TET3: variants seen among roughly 807,000 people sequenced by gnomAD.
TET3 encodes methylcytosine dioxygenase TET3.
In TET3, 19 loss-of-function variants were observed where a neutral mutation model predicts 141.4. That is an observed-to-expected ratio of 0.13 (90% CI 0.09 to 0.20). The LOEUF is 0.20. TET3 is among the 10% of genes least tolerant of loss of function. The pLI, the probability that TET3 is intolerant of heterozygous loss-of-function variation, is 1.00. For missense variants in TET3, 1,874 were observed against 2,356.9 expected (o/e 0.80, Z 4.24); for synonymous variants, 1,043 against 980.9 (o/e 1.06, Z -1.18).
chr2:74,110,012 A>AAGAT (rs1691665054), downstream of TET3, among the ~76,000 whole-genome samples: 1 of 152,336 alleles, frequency 6.6e-6, no homozygotes, highest in South Asian at 2.1e-4. Flanking sequence ...GATACCACAT[A>AAGAT]AGATATAAGG....
chr2:74,018,604 ATT>A (rs1259340134), intron 3 of TET3, among the ~76,000 whole-genome samples: 4 of 152,128 alleles, frequency 2.6e-5, no homozygotes, highest in Non-Finnish European at 5.9e-5. Context: ...TACCTTAAGC[ATT>A]TCATAAGTAC....
At chr2:74,133,892 G>A in the TET3 span, among the ~76,000 whole-genome samples, 1 of 152,002 alleles carries the variant, frequency 6.6e-6, no homozygotes, top group South Asian at 2.1e-4. Context: ...TTACAGGCGC[G>A]TGCCATCATG....
the TET3 span, among the ~76,000 whole-genome samples, chr2:74,128,802 T>C: frequency 6.6e-6 from 1 of 150,554 alleles, no homozygotes; most frequent in African/African-American, 2.5e-5. Context: ...GGCAACATAG[T>C]AAGACCTCAA....
chr2:74,003,309 C>G, intron 3 of TET3, 143 bp downstream of exon 3: 2 of 945,470 alleles, frequency 2.1e-6, no homozygotes, highest in Non-Finnish European at 1.5e-6. Context: ...GGGGGAGGGG[C>G]GGCGGGGGTG....
chr2:74,022,837 C>T (rs1364728638), intron 3 of TET3, among the ~76,000 whole-genome samples: 4 of 151,868 alleles, frequency 2.6e-5, no homozygotes, highest in Non-Finnish European at 4.4e-5. Context: ...AGTGCAGTGG[C>T]ATGATCTTGG....
intron 3 of TET3, among the ~76,000 whole-genome samples, chr2:74,015,400 A>G (rs1685676348): frequency 6.6e-6 from 1 of 152,222 alleles, no homozygotes; most frequent in East Asian, 1.9e-4. Flanking sequence ...TCTCCATCCC[A>G]GTATAATCAC....
intron 10 of TET3, among the ~76,000 whole-genome samples, chr2:74,095,652 C>T (rs1690779254): frequency 6.6e-6 from 1 of 152,234 alleles, no homozygotes; most frequent in African/African-American, 2.4e-5. Flanking sequence ...ACATGCTGTT[C>T]TATGACCTGC....
chr2:74,090,700 G>GCCCTCA (rs1690440202), intron 8 of TET3, among the ~76,000 whole-genome samples: 5 of 152,182 alleles, frequency 3.3e-5, no homozygotes, highest in Admixed American at 3.3e-4. Context: ...CAGGCTGTGG[G>GCCCTCA]GGCCGGAGCA....
chr2:74,021,377 T>C lies in TET3; in HGVS notation c.360+18211T>C, dbSNP rs77917960. Among the ~76,000 whole-genome samples, 924 of 152,376 alleles carry C rather than the reference T, an allele frequency of 6.1e-3. 4 individuals are homozygous for C. The highest frequency in any genetic ancestry group is 1.0e-2 in the Non-Finnish European group (677 of 68,030). The stretch of plus-strand genomic sequence containing the variant: ...GCCACGATGCAGGGCTGCCTAGGGC[T>C]TTAGCCCACCCGTTGGACAAAGTCT... On this transcript the variant is annotated intron_variant, in intron 3 of 11. Coordinates refer to ENST00000409262, the MANE Select transcript of TET3 (RefSeq NM_001287491.2).
rs1289647142 is a variant in TET3 at position 74,073,786 on chromosome 2, G to A, written c.2585+147G>A. Reference sequence around the variant, plus strand: ...CGGGCTTAGGGAAGGTTTACTGTGGGATCCTCACTTCCATTGTTTCTGGGT... The same window carrying A: ...CGGGCTTAGGGAAGGTTTACTGTGGAATCCTCACTTCCATTGTTTCTGGGT... On this transcript the variant is annotated intron_variant, in intron 5 of 11. Transcript: ENST00000409262. 4 of 578,938 alleles carry A rather than the reference G, an allele frequency of 6.9e-6. No individual in the cohort carries two copies. In the Admixed American group the frequency reaches 1.1e-4, roughly 16 times the overall value. The allele number at this position is 578,938 out of a possible 1,614,324, so 35.9% of individuals were successfully genotyped here. A position where few individuals can be genotyped will look rare whatever the true frequency, so the allele number is the denominator to read the frequency against.
intron 6 of TET3, among the ~76,000 whole-genome samples, chr2:74,086,035 G>A (rs1360355510): frequency 3.3e-5 from 5 of 152,090 alleles, no homozygotes; most frequent in Non-Finnish European, 7.4e-5. Flanking sequence ...CCCTTCTCCC[G>A]ATTTTCTGCC....
intron 3 of TET3, among the ~76,000 whole-genome samples, chr2:74,017,324 C>T (rs1181881636): frequency 6.6e-6 from 1 of 152,172 alleles, no homozygotes; most frequent in Non-Finnish European, 1.5e-5. Flanking sequence ...CTATAGAACA[C>T]CGCAACTTAG....
chr2:74,054,329 G>T (rs1040761166), intron 4 of TET3, among the ~76,000 whole-genome samples: 6 of 152,172 alleles, frequency 3.9e-5, no homozygotes, highest in Non-Finnish European at 7.3e-5. Flanking sequence ...AATAAGAAAA[G>T]AATTAACTGC....
intron 7 of TET3, among the ~76,000 whole-genome samples, chr2:74,088,372 G>A (rs747323815): frequency 1.2e-4 from 18 of 152,276 alleles, no homozygotes; most frequent in Admixed American, 2.0e-4. Flanking sequence ...TTGGCCAGGC[G>A]TGGTCCATGC....
intron 8 of TET3, among the ~76,000 whole-genome samples, chr2:74,091,331 T>C (rs950564795): frequency 1.3e-5 from 2 of 152,218 alleles, no homozygotes; most frequent in African/African-American, 4.8e-5. Flanking sequence ...CAACTGCCAC[T>C]TCCTGTGCTC....
Position 74,046,360 on chromosome 2 carries a change from A to C in TET3, c.443A>C (p.Gln148Pro). The C allele has an allele frequency of 6.5e-7, 1 of 1,529,562 alleles. No individual in the cohort carries two copies. Among genetic ancestry groups the C allele is most frequent in the Non-Finnish European group, 8.8e-7 (1 of 1,142,316 alleles). The allele number at this position is 1,529,562 out of a possible 1,614,324, so 94.7% of individuals were successfully genotyped here. Residue 148 changes from glutamine (Q) to proline (P), a missense_variant, in exon 4 of 12, where the codon CAG becomes CCG. Gln to Pro is a moderately conservative substitution (Grantham distance 76, BLOSUM62 -1). Transcript: ENST00000409262. The surrounding 1 kb of genome is among the most constrained non-coding windows in gnomAD (Gnocchi z 4.3). ...CCAGTGTACCATGGGGACTCACGGC[A>C]GCTAAGCGCCTCAGGGGTGCCGGTC... The part of the protein sequence containing the change: ...SGPVYHGDSR[Q>P]LSASGVPVNG...
the TET3 span, among the ~76,000 whole-genome samples, chr2:74,120,276 C>G: frequency 1.3e-5 from 2 of 152,246 alleles, no homozygotes; most frequent in Non-Finnish European, 2.9e-5. Flanking sequence ...CCTCCGGTCG[C>G]TCTGGCCGAC....
intron 10 of TET3, among the ~76,000 whole-genome samples, chr2:74,094,110 T>C (rs149659318): frequency 2.6e-5 from 4 of 152,168 alleles, no homozygotes; most frequent in African/African-American, 9.7e-5. Context: ...GGGAATGTCC[T>C]GTAGCAATGA....
At chr2:74,115,489 C>A in the TET3 span, among the ~76,000 whole-genome samples, 2 of 152,092 alleles carry the variant, frequency 1.3e-5, no homozygotes, top group African/African-American at 4.8e-5. Flanking sequence ...TTCGGGTGAA[C>A]AGGTACGCCA....
Sources: gnomAD v4.1 joint callset for allele counts (sites outside exome capture counted in the v4.1 genomes callset) on GRCh38, gnomAD v4.1.1 for gene constraint, Gnocchi (gnomAD v3.1) non-coding constraint, MANE v1.5 for transcripts, NCBI Gene and HGNC (gene_info 2026-07-23, HGNC 2026-07-21) for gene names.